ZNF678: variants seen among roughly 807,000 people sequenced by gnomAD.
ZNF678 encodes the protein zinc finger protein 678.
ZNF678 carries 5 observed loss-of-function variants against 3.0 expected under a neutral mutation model. That is an observed-to-expected ratio of 1.69 (90% CI 0.88 to 3.56). ZNF678 has a LOEUF of 3.56. ZNF678 is among the 30% of genes most tolerant of loss of function. ZNF678 has a pLI of 0.00. For missense variants in ZNF678, 593 were observed against 605.0 expected (o/e 0.98, Z 0.21); for synonymous variants, 218 against 199.6 (o/e 1.09, Z -0.78).
At chr1:227,580,884 C>T (rs1229157963) in intron 1 of ZNF678, among the ~76,000 whole-genome samples, 1 of 151,546 alleles carries the variant, frequency 6.6e-6, no homozygotes, top group Non-Finnish European at 1.5e-5. Flanking sequence ...GAGCTGAGAT[C>T]CCGCCTTTGC....
rs938768819 is a variant in ZNF678, at chr1:227,579,085, T to G, written c.-164+15361T>G. On this transcript the variant is annotated intron_variant, in intron 1 of 3. Coordinates refer to ENST00000343776, the MANE Select transcript of ZNF678 (RefSeq NM_001367909.1). ...CTTGTATTGAACCTTGTTTGTTTTC[T>G]GGCTCCTGGAGGTTTGGAATCCACT... Among the ~76,000 whole-genome samples the G allele has an allele frequency of 3.0e-4, 45 of 152,338 alleles. 1 individual carries two copies. Among genetic ancestry groups the G allele is most frequent in the African/African-American group, 1.1e-3 (44 of 41,580 alleles).
downstream of ZNF678, among the ~76,000 whole-genome samples, chr1:227,664,597 C>T (rs1217561938): frequency 6.6e-6 from 1 of 152,166 alleles, no homozygotes; most frequent in African/African-American, 2.4e-5. Context: ...AGCATTCTCA[C>T]GTCAGGCCTT....
intron 5 of ZNF678, among the ~76,000 whole-genome samples, chr1:227,671,651 A>T (rs935683731): frequency 6.6e-6 from 1 of 152,154 alleles, no homozygotes; most frequent in Non-Finnish European, 1.5e-5. Context: ...ATCTATTGTT[A>T]TACTTCTGCT....
intron 1 of ZNF678, among the ~76,000 whole-genome samples, chr1:227,566,410 A>T (rs1468404435): frequency 6.6e-6 from 1 of 152,238 alleles, no homozygotes; most frequent in African/African-American, 2.4e-5. Context: ...AAACTAGTCC[A>T]AAGGACAAGC....
intron 1 of ZNF678, among the ~76,000 whole-genome samples, chr1:227,578,061 G>C (rs1657030940): frequency 6.6e-6 from 1 of 152,092 alleles, no homozygotes; most frequent in African/African-American, 2.4e-5. Context: ...TCGAATATTG[G>C]TCCCCAGTCT....
At chr1:227,581,653 A>G (rs1295372203) in intron 1 of ZNF678, among the ~76,000 whole-genome samples, 1 of 152,206 alleles carries the variant, frequency 6.6e-6, no homozygotes, top group Non-Finnish European at 1.5e-5. Flanking sequence ...TATAAAATCA[A>G]CTTGTATTGT....
At chr1:227,616,702 C>G (rs1034501789) in intron 1 of ZNF678, among the ~76,000 whole-genome samples, 10 of 152,134 alleles carry the variant, frequency 6.6e-5, no homozygotes, top group South Asian at 2.1e-4. Context: ...TCACCACTGT[C>G]CGGGGGTGTC....
chr1:227,672,885 A>G (rs773499737), intron 5 of ZNF678, among the ~76,000 whole-genome samples: 7 of 152,164 alleles, frequency 4.6e-5, no homozygotes, highest in Non-Finnish European at 1.0e-4. Context: ...GACAAAACCT[A>G]GAGGATGAAA....
In ZNF678 at chr1:227,655,020, G is replaced by T. The variant is rs767602243; in HGVS notation, c.770G>T (p.Arg257Ile). 6.2e-6 allele frequency: 10 copies of T among 1,611,784 alleles called. No homozygotes were observed. Among genetic ancestry groups the T allele is most frequent in the Admixed American group, 5.0e-5 (3 of 59,410 alleles). ...TTCTCAAACCTTACTCAACATAAGA[G>T]AATTCATACTGGAGAGAAACCTTAC... ...NKFSNLTQHK[R>I]IHTGEKPYKC... Residue 257 changes from arginine to isoleucine, a missense_variant, in exon 4 of 4, where the codon AGA becomes ATA. Arg to Ile is a moderately conservative substitution (Grantham distance 97). Coordinates refer to ENST00000343776, the MANE Select transcript of ZNF678 (RefSeq NM_001367909.1).
At chr1:227,641,508 A>G (rs1051959686) in intron 1 of ZNF678, among the ~76,000 whole-genome samples, 2 of 152,178 alleles carry the variant, frequency 1.3e-5, no homozygotes, top group African/African-American at 2.4e-5. Flanking sequence ...TCTCTGTTCT[A>G]CCATTGTGGA....
At chr1:227,586,376 A>G (rs1368042354) in intron 1 of ZNF678, among the ~76,000 whole-genome samples, 1 of 152,226 alleles carries the variant, frequency 6.6e-6, no homozygotes, top group Admixed American at 6.5e-5. Flanking sequence ...CTAAAGAAAA[A>G]TGAACAAAAA....
At chr1:227,565,067 T>A (rs1656638094) in intron 1 of ZNF678, among the ~76,000 whole-genome samples, 2 of 133,814 alleles carry the variant, frequency 1.5e-5, no homozygotes, top group African/African-American at 5.7e-5. Context: ...TTTTTTTTTT[T>A]TTTTTTTTTT....
At chr1:227,633,018 C>T (rs1658588299) in intron 1 of ZNF678, among the ~76,000 whole-genome samples, 1 of 152,132 alleles carries the variant, frequency 6.6e-6, no homozygotes. Flanking sequence ...TTGATTAGGA[C>T]AAACCCAGGC....
intron 1 of ZNF678, among the ~76,000 whole-genome samples, chr1:227,633,880 C>A (rs1245597805): frequency 2.0e-5 from 3 of 152,202 alleles, no homozygotes; most frequent in Admixed American, 6.5e-5. Context: ...CCCACTGATA[C>A]ATGAGCTAGG....
chr1:227,632,776 A>G (rs1425005387), intron 1 of ZNF678, among the ~76,000 whole-genome samples: 1 of 152,184 alleles, frequency 6.6e-6, no homozygotes, highest in Non-Finnish European at 1.5e-5. Context: ...ACTGCTTTGG[A>G]GAATCCCTGT....
At chr1:227,670,460 C>G (rs1558164526) in intron 5 of ZNF678, among the ~76,000 whole-genome samples, 1 of 152,186 alleles carries the variant, frequency 6.6e-6, no homozygotes, top group African/African-American at 2.4e-5. Context: ...ATTATGGTCT[C>G]AGGTAGGACC....
chr1:227,637,279 TG>T (rs1334897318), intron 1 of ZNF678, among the ~76,000 whole-genome samples: 1 of 152,152 alleles, frequency 6.6e-6, no homozygotes, highest in Non-Finnish European at 1.5e-5. Flanking sequence ...CACAGTGCTT[TG>T]GGGGGTTTCT....
intron 1 of ZNF678, among the ~76,000 whole-genome samples, chr1:227,569,205 G>C (rs909348143): frequency 6.6e-6 from 1 of 152,176 alleles, no homozygotes; most frequent in Non-Finnish European, 1.5e-5. Context: ...GTCCAGACTG[G>C]TCTTGAACTC....
chr1:227,659,832 C>T lies in ZNF678; in HGVS notation c.*4004C>T, dbSNP rs1324243492. On this transcript the variant is annotated 3_prime_UTR_variant, in exon 4 of 4. Coordinates refer to ENST00000343776, the MANE Select transcript of ZNF678 (RefSeq NM_001367909.1). ...TTCTAGCCAATTAAAAATGCTTTAC[C>T]TCAATAGTTATTTTTATTGTGAGAA... The T allele has an allele frequency of 6.6e-6, 1 of 151,402 alleles. No individual in the cohort carries two copies. Among genetic ancestry groups the T allele is most frequent in the Non-Finnish European group, 1.5e-5 (1 of 67,874 alleles). The allele number at this position is 151,402 out of a possible 1,614,324, so 9.4% of individuals were successfully genotyped here. A position where few individuals can be genotyped will look rare whatever the true frequency, so the allele number is the denominator to read the frequency against.
Sources: gnomAD v4.1 joint callset for allele counts (sites outside exome capture counted in the v4.1 genomes callset) on GRCh38, gnomAD v4.1.1 for gene constraint, MANE v1.5 for transcripts, NCBI Gene and HGNC (gene_info 2026-07-23, HGNC 2026-07-21) for gene names.